The following TF variants were observed in gnomAD, a reference collection of about 807,000 sequenced individuals.
TF encodes the protein serotransferrin.
TF carries 55 observed loss-of-function variants against 82.4 expected under a neutral mutation model. That is an observed-to-expected ratio of 0.67 (90% CI 0.54 to 0.84). The LOEUF (loss-of-function observed/expected upper bound fraction) is 0.84, where lower values mean the gene tolerates loss of function less well. TF is among the 40% of genes least tolerant of loss of function. The probability of loss-of-function intolerance (pLI) is 0.00; values close to 1 mark genes in which losing one functional copy is unlikely to be tolerated. For synonymous variants in TF, 332 were observed against 332.6 expected, an observed-to-expected ratio of 1.00 and a Z score of 0.02; for missense variants, 737 against 868.4, an observed-to-expected ratio of 0.85 and a Z score of 1.90.
rs41295768 is a variant in TF at position 133,757,094 on chromosome 3, G to C, written c.870+85G>C. On this transcript the variant is annotated intron_variant, in intron 7 of 16. Coordinates refer to ENST00000402696, the MANE Select transcript of TF (RefSeq NM_001063.4). Reference sequence around the variant, plus strand: ...TTCCTCCTGGCCATCTTGTCACTCTGGAAGTCTGTGTGTTCAGGATACAGT... The same window carrying C: ...TTCCTCCTGGCCATCTTGTCACTCTCGAAGTCTGTGTGTTCAGGATACAGT... 19 of 1,562,966 alleles carry C rather than the reference G, an allele frequency of 1.2e-5. No homozygotes were observed. The Admixed American group carries it at 2.2e-4, about 18-fold the overall frequency.
At chr3:133,736,656 G>A in the TF span, among the ~76,000 whole-genome samples, 1 of 74,930 alleles carries the variant, frequency 1.3e-5, no homozygotes, top group African/African-American at 5.2e-5. Flanking sequence ...AAAAAAGCAG[G>A]GGTTACAATC....
chr3:133,756,469 C>T (rs912427366), intron 6 of TF, 132 bp downstream of exon 6: 6 of 1,093,482 alleles, frequency 5.5e-6, no homozygotes, highest in Non-Finnish European at 8.2e-6. Context: ...TGGGTTTCCA[C>T]CTGTGCAGAG....
chr3:133,732,831 A>G, the TF span, among the ~76,000 whole-genome samples: 1 of 151,660 alleles, frequency 6.6e-6, no homozygotes, highest in Non-Finnish European at 1.5e-5. Context: ...ACACATTATG[A>G]TCCTCATTTT....
At chr3:133,687,363 G>A in the TF span, among the ~76,000 whole-genome samples, 1 of 151,970 alleles carries the variant, frequency 6.6e-6, no homozygotes, top group African/African-American at 2.4e-5. Context: ...AAAAGATACT[G>A]ACTAAATCAC....
At chr3:133,756,223 C>T in intron 5 of TF, 59 bp from the exon 6 acceptor site, 1 of 1,550,396 alleles carries the variant, frequency 6.4e-7, no homozygotes. Flanking sequence ...TCAGACTCTC[C>T]AGGTGCAGGA....
chr3:133,696,003 G>T, the TF span, among the ~76,000 whole-genome samples: 1 of 152,200 alleles, frequency 6.6e-6, no homozygotes, highest in Non-Finnish European at 1.5e-5. Context: ...CTTGTGAATT[G>T]CTTATTCCTG....
the TF span, among the ~76,000 whole-genome samples, chr3:133,737,661 A>G: frequency 6.6e-6 from 1 of 152,180 alleles, no homozygotes; most frequent in South Asian, 2.1e-4. Context: ...AATACAAACA[A>G]CCATCAGAGA....
chr3:133,694,850 T>TTTTATTTA, the TF span, among the ~76,000 whole-genome samples: 82 of 147,026 alleles, frequency 5.6e-4, 1 homozygote, highest in African/African-American at 1.8e-3. Context: ...AAGCCTTTAG[T>TTTTATTTA]TTTATTTATT....
At chr3:133,734,455 C>T in the TF span, among the ~76,000 whole-genome samples, 1 of 152,088 alleles carries the variant, frequency 6.6e-6, no homozygotes, top group Non-Finnish European at 1.5e-5. Flanking sequence ...CTGGAAATGC[C>T]TCCAATTGGC....
chr3:133,690,827 AC>A, the TF span, among the ~76,000 whole-genome samples: 1 of 152,186 alleles, frequency 6.6e-6, no homozygotes, highest in African/African-American at 2.4e-5. Context: ...CACGGGACGG[AC>A]TGAAACCCAT....
chr3:133,679,004 C>G, the TF span, among the ~76,000 whole-genome samples: 2 of 152,076 alleles, frequency 1.3e-5, no homozygotes, highest in East Asian at 3.9e-4. Context: ...TCCTGAGTAG[C>G]TGGGATTACA....
the TF span, chr3:133,700,055 G>A: frequency 6.2e-6 from 1 of 161,000 alleles, no homozygotes; most frequent in African/African-American, 2.4e-5. Context: ...GACTTGTCTT[G>A]AGTCATTCAC....
At chr3:133,740,866 T>G in the TF span, among the ~76,000 whole-genome samples, 1 of 151,562 alleles carries the variant, frequency 6.6e-6, no homozygotes, top group South Asian at 2.1e-4. Flanking sequence ...GATTTAATCC[T>G]AGGCATTTGT....
the TF span, among the ~76,000 whole-genome samples, chr3:133,717,189 G>T: frequency 9.2e-5 from 14 of 152,212 alleles, no homozygotes; most frequent in African/African-American, 2.9e-4. Context: ...CAAGGACCCC[G>T]TTGGTTGTAA....
the TF span, among the ~76,000 whole-genome samples, chr3:133,673,467 A>G: frequency 6.6e-6 from 1 of 152,246 alleles, no homozygotes; most frequent in East Asian, 1.9e-4. Flanking sequence ...GAAGACTACA[A>G]CGATCAAGAG....
intron 5 of TF, chr3:133,755,788 A>ACGTC (rs1559870606): frequency 4.0e-6 from 2 of 503,348 alleles, no homozygotes; most frequent in African/African-American, 3.9e-5. Context: ...GCCTGAAAGG[A>ACGTC]CAATCATGCC....
At position 133,764,170 on chromosome 3, in the gene TF, G is replaced by A. The variant is rs766347270; in HGVS notation, c.1204-12G>A. 3.7e-6 allele frequency: 6 copies of A among 1,612,552 alleles called. No homozygotes were observed. In the East Asian group the frequency reaches 1.1e-4, roughly 30 times the overall value. ...CTCTTTTCATCTGCTGTGATTTGCTGTGTCTTTGCAGAATGGAGAAGCTGA... is the reference window on the plus strand; with the variant it reads ...CTCTTTTCATCTGCTGTGATTTGCTATGTCTTTGCAGAATGGAGAAGCTGA... On this transcript the variant is annotated splice_polypyrimidine_tract_variant and intron_variant, in intron 9 of 16. Coordinates refer to ENST00000402696, the MANE Select transcript of TF (RefSeq NM_001063.4).
rs1157335106 is a variant in TF at position 133,796,226 on chromosome 3, A to G, written c.*17606A>G. ...GCCATCAAGGAGCTACCCTGCCTTC[A>G]CTAGAAAGAGCAGAGCAGGACTTCT... On this transcript the variant is annotated 3_prime_UTR_variant, in exon 17 of 17. Transcript: ENST00000402696. The G allele has an allele frequency of 1.3e-5, 2 of 153,042 alleles. No individual in the cohort carries two copies. The highest frequency in any genetic ancestry group is 2.9e-5 in the Non-Finnish European group (2 of 68,068). The allele number at this position is 153,042 out of a possible 1,614,324, so 9.5% of individuals were successfully genotyped here.
chr3:133,789,372 T>C lies in TF; in HGVS notation c.*10752T>C, dbSNP rs1222851599. On this transcript the variant is annotated 3_prime_UTR_variant, in exon 17 of 17. Transcript: ENST00000402696. ...CTCCTTTGGTGCTGTTTGACCCCAGTGTTCTTTCGAGTCTGGGGAGGTTTG... is the reference window on the plus strand; with the variant it reads ...CTCCTTTGGTGCTGTTTGACCCCAGCGTTCTTTCGAGTCTGGGGAGGTTTG... The C allele has an allele frequency of 6.6e-6, 1 of 152,258 alleles. No individual in the cohort carries two copies. Among genetic ancestry groups the C allele is most frequent in the African/African-American group, 2.4e-5 (1 of 41,470 alleles). The allele number at this position is 152,258 out of a possible 1,614,324, so 9.4% of individuals were successfully genotyped here.
Sources: allele counts gnomAD v4.1 joint callset (sites outside exome capture counted in the v4.1 genomes callset), GRCh38; gene constraint gnomAD v4.1.1; transcripts MANE v1.5; gene names NCBI Gene and HGNC (gene_info 2026-07-23, HGNC 2026-07-21).